Variants in CDKL4 observed in about 807,000 individuals in gnomAD.
CDKL4 encodes cyclin-dependent kinase-like 4.
Under a neutral mutation model 42.0 loss-of-function variants are expected in CDKL4, and 44 were observed. That is an observed-to-expected ratio of 1.05 (90% confidence interval 0.82 to 1.35). The LOEUF (loss-of-function observed/expected upper bound fraction) is 1.35. Ranked by LOEUF, CDKL4 falls within the 40% of genes most tolerant of loss-of-function variation. The probability of loss-of-function intolerance (pLI) is 0.00; values close to 1 mark genes in which losing one functional copy is unlikely to be tolerated. For missense variants in CDKL4, 393 were observed against 369.9 expected, an observed-to-expected ratio of 1.06 and a Z score of -0.51; for synonymous variants, 120 against 121.6, an observed-to-expected ratio of 0.99 and a Z score of 0.09.
At chr2:39,199,941 C>G (rs192350379) in intron 5 of CDKL4, among the ~76,000 whole-genome samples, 1 of 152,104 alleles carries the variant, frequency 6.6e-6, no homozygotes, top group Admixed American at 6.5e-5. Context: ...ACAAGGATGC[C>G]CACTTTCACC....
chr2:39,194,127 C>T (rs1454947719), intron 5 of CDKL4, among the ~76,000 whole-genome samples: 2 of 152,050 alleles, frequency 1.3e-5, no homozygotes, highest in Non-Finnish European at 2.9e-5. Context: ...ATTGTGTTCC[C>T]ACTAAAAACA....
At chr2:39,180,966 C>T (rs974791101) in intron 8 of CDKL4, among the ~76,000 whole-genome samples, 5 of 152,164 alleles carry the variant, frequency 3.3e-5, no homozygotes, top group African/African-American at 1.2e-4. Flanking sequence ...GGACTACAGG[C>T]GTGAGCCACT....
rs34154031 is a variant in CDKL4 at position 39,185,361 on chromosome 2, C to CAT, written c.736-716_736-715dup. Among the ~76,000 whole-genome samples, 4 of 64,144 alleles carry CAT rather than the reference C, an allele frequency of 6.2e-5. 1 individual carries two copies. The highest frequency in any genetic ancestry group is 3.1e-4 in the African/African-American group (4 of 12,798). The allele number at this position is 64,144 out of a possible 152,430, so 42.1% of individuals were successfully genotyped here. ...ATATATATACACATATGTATATATA[C>CAT]ATATATATATACATATGTATATATA... On this transcript the variant is annotated intron_variant, in intron 7 of 9. Transcript: ENST00000451199.
chr2:39,227,525 C>T (rs1003468371), intron 2 of CDKL4, among the ~76,000 whole-genome samples: 12 of 151,968 alleles, frequency 7.9e-5, no homozygotes, highest in African/African-American at 2.2e-4. Context: ...CCTAGGAGTT[C>T]GAGATCAGCC....
chr2:39,241,499 C>T (rs1679661004), intron 1 of CDKL4, among the ~76,000 whole-genome samples: 1 of 152,150 alleles, frequency 6.6e-6, no homozygotes, highest in African/African-American at 2.4e-5. Flanking sequence ...TCAGAAATGT[C>T]TTATGGCCTC....
At chr2:39,218,644 A>G (rs75125066) in intron 3 of CDKL4, among the ~76,000 whole-genome samples, 21,094 of 152,036 alleles carry the variant, frequency 0.14, 3,808 homozygotes, top group African/African-American at 0.42. Flanking sequence ...AAACCCGTTG[A>G]AGGCCTGGAT....
intron 5 of CDKL4, among the ~76,000 whole-genome samples, chr2:39,191,565 G>A (rs1676186186): frequency 6.6e-6 from 1 of 152,114 alleles, no homozygotes; most frequent in African/African-American, 2.4e-5. Flanking sequence ...AATGTATCAT[G>A]GCAGCCCCAG....
chr2:39,181,819 C>G (rs1163830506), intron 8 of CDKL4, among the ~76,000 whole-genome samples: 3 of 152,082 alleles, frequency 2.0e-5, no homozygotes, highest in East Asian at 3.9e-4. Flanking sequence ...AAGGAAAGAA[C>G]CTTGCCAAGA....
At chr2:39,224,907 T>C (rs1304752582) in intron 3 of CDKL4, among the ~76,000 whole-genome samples, 1 of 152,222 alleles carries the variant, frequency 6.6e-6, no homozygotes, top group Non-Finnish European at 1.5e-5. Context: ...AATAACTCTT[T>C]AGGTGGTTCT....
chr2:39,225,958 T>G, exon 3 of CDKL4: 1 of 1,608,644 alleles, frequency 6.2e-7, no homozygotes. Flanking sequence ...GATGTTTTAA[T>G]TGCTGTGAAA....
chr2:39,185,969 T>C (rs552766799), intron 7 of CDKL4, among the ~76,000 whole-genome samples: 3 of 152,160 alleles, frequency 2.0e-5, no homozygotes, highest in East Asian at 1.9e-4. Flanking sequence ...CTTTTGAGTA[T>C]TCATGAAAAT....
intron 1 of CDKL4, among the ~76,000 whole-genome samples, chr2:39,241,861 G>A (rs1329258107): frequency 2.6e-5 from 4 of 152,030 alleles, no homozygotes; most frequent in Admixed American, 2.0e-4. Flanking sequence ...TGGCCCTACC[G>A]TAATGTTATT....
intron 5 of CDKL4, among the ~76,000 whole-genome samples, chr2:39,192,455 G>C (rs1676244350): frequency 6.6e-6 from 1 of 152,014 alleles, no homozygotes; most frequent in Non-Finnish European, 1.5e-5. Flanking sequence ...TGAACTCCTG[G>C]GCTCACACAA....
intron 8 of CDKL4, among the ~76,000 whole-genome samples, chr2:39,179,570 C>T (rs1675319331): frequency 6.6e-6 from 1 of 152,192 alleles, no homozygotes; most frequent in African/African-American, 2.4e-5. Context: ...ATCTGGTGTT[C>T]CCACCAATGA....
chr2:39,173,666 C>G (rs914005933), downstream of CDKL4, among the ~76,000 whole-genome samples: 2 of 151,940 alleles, frequency 1.3e-5, no homozygotes, highest in Admixed American at 6.6e-5. Flanking sequence ...AACAATTAGT[C>G]GGGCGTGGTG....
downstream of CDKL4, among the ~76,000 whole-genome samples, chr2:39,172,598 T>A (rs1176347190): frequency 6.6e-6 from 1 of 152,192 alleles, no homozygotes; most frequent in African/African-American, 2.4e-5. Flanking sequence ...TTTCTTTTTT[T>A]TGAGACGGAG....
intron 6 of CDKL4, among the ~76,000 whole-genome samples, chr2:39,188,486 T>C (rs1453880364): frequency 1.4e-5 from 2 of 143,548 alleles, no homozygotes; most frequent in African/African-American, 5.4e-5. Context: ...CGCTTGAATT[T>C]GGGAGGCGGA....
At chr2:39,225,871 T>C (rs1205727807) in exon 3 of CDKL4, 1 of 1,609,760 alleles carries the variant, frequency 6.2e-7, no homozygotes, top group Admixed American at 1.7e-5. Context: ...CATTTAAAAG[T>C]GTATGATCAC....
intron 5 of CDKL4, among the ~76,000 whole-genome samples, chr2:39,202,923 T>C (rs1238456110): frequency 6.6e-6 from 1 of 152,230 alleles, no homozygotes; most frequent in Non-Finnish European, 1.5e-5. Flanking sequence ...AGCTCATGTC[T>C]TGTGGAGGTT....
Sources: gnomAD v4.1 joint callset for allele counts (sites outside exome capture counted in the v4.1 genomes callset) on GRCh38, gnomAD v4.1.1 for gene constraint, MANE v1.5 for transcripts, NCBI Gene and HGNC (gene_info 2026-07-23, HGNC 2026-07-21) for gene names.